NUP210L: variants seen among roughly 807,000 people sequenced by gnomAD.
NUP210L encodes the protein nuclear pore membrane glycoprotein 210-like.
Under a neutral mutation model 208.5 loss-of-function variants are expected in NUP210L, and 74 were observed. The observed-to-expected ratio is 0.35, with a 90% confidence interval of 0.29 to 0.43. NUP210L has a LOEUF of 0.43. NUP210L is among the 20% of genes least tolerant of loss of function. NUP210L has a pLI of 1.00. For missense variants in NUP210L, 1,843 were observed against 2,289.4 expected (o/e 0.81, Z 3.98); for synonymous variants, 780 against 816.9 (o/e 0.95, Z 0.77).
intron 30 of NUP210L, 81 bp from the exon 31 acceptor site, chr1:154,023,378 T>C: frequency 9.4e-7 from 1 of 1,067,446 alleles, no homozygotes; most frequent in Admixed American, 2.6e-5. Flanking sequence ...TTATAATCAA[T>C]GATAAAGAGT....
intron 9 of NUP210L, among the ~76,000 whole-genome samples, chr1:154,126,768 G>A (rs1218002083): frequency 6.6e-6 from 1 of 152,006 alleles, no homozygotes; most frequent in Non-Finnish European, 1.5e-5. Flanking sequence ...AAGGACCCTA[G>A]AGAGTGAGTA....
At chr1:154,077,344 T>A (rs1247685700) in intron 16 of NUP210L, among the ~76,000 whole-genome samples, 1 of 151,692 alleles carries the variant, frequency 6.6e-6, no homozygotes, top group East Asian at 1.9e-4. Flanking sequence ...CCAGCCTGGG[T>A]GACACAGCGA....
rs150828836 is a variant in NUP210L at position 154,033,727 on chromosome 1, T to C, written c.3697-3673A>G. Among the ~76,000 whole-genome samples, 1,501 of 152,312 alleles carry C rather than the reference T, an allele frequency of 9.9e-3. 16 individuals carry two copies. The highest frequency in any genetic ancestry group is 0.017 in the Non-Finnish European group (1,172 of 68,026). On this transcript the variant is annotated intron_variant, in intron 27 of 39. Transcript: ENST00000368559. ...TTTTGCTGAGGACGGCTTTGACTAT[T>C]CTGTGTCTTTTGTGGTTCCATATAA...
intron 2 of NUP210L, among the ~76,000 whole-genome samples, chr1:154,143,955 G>A (rs1158528213): frequency 1.3e-5 from 2 of 152,130 alleles, no homozygotes; most frequent in East Asian, 3.8e-4. Flanking sequence ...GCTGAGGTGG[G>A]CAGATCACAA....
chr1:154,095,308 C>T (rs1485129078), intron 14 of NUP210L, 152 bp from the exon 15 acceptor site: 1 of 634,212 alleles, frequency 1.6e-6, no homozygotes, highest in African/African-American at 1.8e-5. Flanking sequence ...ACTTGGAATG[C>T]TTCTCAACCT....
intron 16 of NUP210L, among the ~76,000 whole-genome samples, chr1:154,082,465 ATAGT>A (rs1158268389): frequency 2.6e-5 from 4 of 152,278 alleles, no homozygotes; most frequent in African/African-American, 9.6e-5. Context: ...CAATTCAATA[ATAGT>A]TAGAGCTTGT....
chr1:154,123,673 T>G (rs1196675734), intron 10 of NUP210L, among the ~76,000 whole-genome samples: 2 of 151,062 alleles, frequency 1.3e-5, no homozygotes, highest in Non-Finnish European at 3.0e-5. Flanking sequence ...AGGTCAGGAG[T>G]TCGAGACCAC....
intron 17 of NUP210L, among the ~76,000 whole-genome samples, chr1:154,066,925 G>A (rs1212085535): frequency 6.6e-6 from 1 of 152,110 alleles, no homozygotes; most frequent in Non-Finnish European, 1.5e-5. Context: ...ACCAATAACA[G>A]GCTCTGAAAT....
intron 19 of NUP210L, 79 bp downstream of exon 19, chr1:154,060,863 T>G (rs1654100154): frequency 9.6e-7 from 1 of 1,036,290 alleles, no homozygotes; most frequent in Non-Finnish European, 1.5e-6. Flanking sequence ...ATAAGTAAGT[T>G]TTTTAATTGT....
chr1:154,043,911 C>CTTTCTATTGCCCATTTCATTACCCAAT, intron 27 of NUP210L, among the ~76,000 whole-genome samples: 1 of 152,174 alleles, frequency 6.6e-6, no homozygotes, highest in East Asian at 1.9e-4. Flanking sequence ...TTATGAAGGC[C>CTTTCTATTGCCCATTTCATTACCCAAT]TTTCTATTGC....
chr1:154,013,758 T>TTTTG (rs544355019), intron 33 of NUP210L, among the ~76,000 whole-genome samples: 13 of 152,208 alleles, frequency 8.5e-5, no homozygotes, highest in South Asian at 2.1e-4. Context: ...TTGTAAGTTT[T>TTTTG]TTTGTTTGTT....
rs1659186328 is a variant in NUP210L, at chr1:154,147,666, G to C, written c.341-4089C>G. 2.0e-5 allele frequency among the ~76,000 whole-genome samples: 3 copies of C among 151,424 alleles called. No homozygotes were observed. In the South Asian group the frequency reaches 6.3e-4, roughly 32 times the overall value. On this transcript the variant is annotated intron_variant, in intron 2 of 39. Coordinates refer to ENST00000368559, the Ensembl canonical transcript of NUP210L. ...TTGGCCCAACACTGTTTGTTTGTTT[G>C]TTTGTCTTTGAGACAAAGTCTCTCT...
intron 16 of NUP210L, among the ~76,000 whole-genome samples, chr1:154,071,826 C>T (rs900591682): frequency 3.3e-5 from 5 of 151,532 alleles, no homozygotes; most frequent in Non-Finnish European, 5.9e-5. Context: ...TTAGTAGAGA[C>T]GGGATTTCAC....
rs772386272 is a variant in NUP210L at position 154,126,296 on chromosome 1, TACAA to T, written c.1326+23_1326+26del. The T allele has an allele frequency of 5.6e-6, 9 of 1,601,094 alleles. No individual in the cohort carries two copies. In the African/African-American group the frequency reaches 1.2e-4, roughly 21 times the overall value. On this transcript the variant is annotated intron_variant, in intron 10 of 39. Transcript: ENST00000368559. The stretch of plus-strand genomic sequence containing the variant: ...CCAAGCCTCTTCAGTGTTCTTAGAA[TACAA>T]ACACTGTCTGTTTAATTCCTACCTG...
intron 30 of NUP210L, among the ~76,000 whole-genome samples, chr1:154,024,326 C>A (rs1400022827): frequency 6.6e-6 from 1 of 152,068 alleles, no homozygotes; most frequent in East Asian, 1.9e-4. Flanking sequence ...TTTTCTGGGT[C>A]TCAGGTTTCT....
chr1:153,994,448 A>G (rs1240956092), intron 38 of NUP210L, among the ~76,000 whole-genome samples: 2 of 151,756 alleles, frequency 1.3e-5, no homozygotes, highest in Non-Finnish European at 2.9e-5. Context: ...AGTAGCTGGG[A>G]TTACAGGCAT....
intron 17 of NUP210L, among the ~76,000 whole-genome samples, chr1:154,065,912 A>G (rs1243012014): frequency 2.0e-5 from 3 of 150,904 alleles, no homozygotes; most frequent in Admixed American, 6.6e-5. Flanking sequence ...AAAAAAAAAA[A>G]AAAAAAGAAA....
chr1:154,001,145 C>T (rs923016158), intron 36 of NUP210L, 85 bp from the exon 37 acceptor site: 11 of 1,031,816 alleles, frequency 1.1e-5, no homozygotes, highest in East Asian at 2.5e-5. Flanking sequence ...ATATACAGTA[C>T]AATAATTGTC....
chr1:154,124,741 TAGG>T (rs1404972548), intron 10 of NUP210L, among the ~76,000 whole-genome samples: 2 of 152,090 alleles, frequency 1.3e-5, no homozygotes, highest in East Asian at 3.8e-4. Context: ...CACTTGAGCC[TAGG>T]AGTTTGAGAC....
Sources: gnomAD v4.1 joint callset for allele counts (sites outside exome capture counted in the v4.1 genomes callset) on GRCh38, gnomAD v4.1.1 for gene constraint, MANE v1.5 for transcripts, NCBI Gene and HGNC (gene_info 2026-07-23, HGNC 2026-07-21) for gene names.